The following KIZ variants were observed in gnomAD, a reference collection of about 807,000 sequenced individuals.
The protein encoded by KIZ is centrosomal protein kizuna.
Under a neutral mutation model 79.6 loss-of-function variants are expected in KIZ, and 68 were observed. The ratio of observed to expected loss-of-function variants is 0.85; its 90% CI spans 0.70 to 1.05. The LOEUF (loss-of-function observed/expected upper bound fraction) is 1.05, where lower values mean the gene tolerates loss of function less well. Among genes scored for constraint, KIZ ranks in the 50% least tolerant of loss-of-function variants. The pLI is 0.00. For missense variants in KIZ, 797 were observed against 800.4 expected, an observed-to-expected ratio of 1.00 and a Z score of 0.05; for synonymous variants, 280 against 281.8, an observed-to-expected ratio of 0.99 and a Z score of 0.06.
At chr20:21,237,005 A>G (rs2037032867) in intron 11 of KIZ, among the ~76,000 whole-genome samples, 2 of 151,738 alleles carry the variant, frequency 1.3e-5, no homozygotes, top group Admixed American at 1.3e-4. Flanking sequence ...TTAAAAAAAA[A>G]AAAAAAAAAA....
chr20:21,154,676 T>A (rs2033287642), intron 4 of KIZ, among the ~76,000 whole-genome samples: 1 of 152,240 alleles, frequency 6.6e-6, no homozygotes, highest in Non-Finnish European at 1.5e-5. Context: ...CATCTGTCTC[T>A]CAAAAACTTT....
chr20:21,131,844 G>T, intron 1 of KIZ: 3 of 324,992 alleles, frequency 9.2e-6, no homozygotes, highest in South Asian at 4.5e-5. Flanking sequence ...TCTCCTATTG[G>T]TGTTCGTTTT....
Position 21,155,506 on chromosome 20 carries a change from C to T in KIZ, c.406-6365C>T, listed in dbSNP as rs148446660. On this transcript the variant is annotated intron_variant, in intron 4 of 12. Coordinates refer to ENST00000619189, the MANE Select transcript of KIZ (RefSeq NM_018474.6). The stretch of plus-strand genomic sequence containing the variant: ...TTACAAACAGAAAGTAGATTAATGG[C>T]TGCCTAGGGCTGGGGACTGACTGGG... 1.1e-3 allele frequency among the ~76,000 whole-genome samples: 173 copies of T among 152,250 alleles called. 2 individuals carry two copies. Among genetic ancestry groups the T allele is most frequent in the African/African-American group, 4.1e-3 (169 of 41,534 alleles).
At chr20:21,186,758 G>A (rs1192281919) in intron 6 of KIZ, among the ~76,000 whole-genome samples, 3 of 151,962 alleles carry the variant, frequency 2.0e-5, no homozygotes, top group African/African-American at 7.3e-5. Context: ...CTAACAGGCT[G>A]TCCTAGGAGA....
At position 21,237,591 on chromosome 20, in the gene KIZ, G is replaced by A. The variant is rs138251194; in HGVS notation, c.1880+4761G>A. Among the ~76,000 whole-genome samples, 5 of 152,214 alleles carry A rather than the reference G, an allele frequency of 3.3e-5. 1 individual carries two copies. The highest frequency in any genetic ancestry group is 7.2e-5 in the African/African-American group (3 of 41,536). On this transcript the variant is annotated intron_variant, in intron 11 of 12. Coordinates refer to ENST00000619189, the MANE Select transcript of KIZ (RefSeq NM_018474.6). Reference sequence around the variant, plus strand: ...CAACCAGACCGCATGTCATGCCCGCGTATGACCCACTATTTCATGTCCCTG... The same window carrying A: ...CAACCAGACCGCATGTCATGCCCGCATATGACCCACTATTTCATGTCCCTG...
chr20:21,200,851 G>A (rs903858213), intron 6 of KIZ, among the ~76,000 whole-genome samples: 3 of 152,072 alleles, frequency 2.0e-5, no homozygotes, highest in East Asian at 3.8e-4. Context: ...AACAAACCAC[G>A]CTTGTCATCA....
intron 6 of KIZ, among the ~76,000 whole-genome samples, chr20:21,200,463 A>T (rs558372056): frequency 4.6e-5 from 7 of 151,742 alleles, no homozygotes; most frequent in Admixed American, 2.6e-4. Context: ...ACCATAATGG[A>T]AAATTAGTGG....
At chr20:21,204,434 A>T (rs1184173860) in intron 6 of KIZ, among the ~76,000 whole-genome samples, 2 of 152,034 alleles carry the variant, frequency 1.3e-5, no homozygotes, top group Admixed American at 1.3e-4. Flanking sequence ...TTTAAGGCTG[A>T]ATCCAAAGGT....
At chr20:21,205,786 C>T (rs1367837546) in intron 7 of KIZ, among the ~76,000 whole-genome samples, 2 of 151,684 alleles carry the variant, frequency 1.3e-5, no homozygotes, top group Admixed American at 6.6e-5. Flanking sequence ...CATGATGAAA[C>T]CCCGTCTCTA....
chr20:21,210,562 G>A (rs1296357265), intron 7 of KIZ, among the ~76,000 whole-genome samples: 2 of 152,006 alleles, frequency 1.3e-5, no homozygotes, highest in East Asian at 1.9e-4. Context: ...GAATATCTGT[G>A]CAATTCAGAT....
intron 3 of KIZ, among the ~76,000 whole-genome samples, chr20:21,145,034 A>G (rs1001809802): frequency 8.5e-5 from 13 of 152,148 alleles, no homozygotes; most frequent in South Asian, 2.1e-4. Flanking sequence ...TGATGTCTGC[A>G]GTATATTTTT....
chr20:21,223,638 C>A (rs973220852), intron 9 of KIZ, among the ~76,000 whole-genome samples: 1 of 151,018 alleles, frequency 6.6e-6, no homozygotes, highest in Non-Finnish European at 1.5e-5. Context: ...ATTGCAAAAG[C>A]AGCCATATCC....
intron 6 of KIZ, among the ~76,000 whole-genome samples, chr20:21,199,122 ACT>A (rs1468682482): frequency 6.6e-6 from 1 of 151,764 alleles, no homozygotes; most frequent in Non-Finnish European, 1.5e-5. Context: ...TCATTTTGTG[ACT>A]CTCTTAATCT....
intron 4 of KIZ, among the ~76,000 whole-genome samples, chr20:21,159,259 T>A (rs1296774166): frequency 1.3e-5 from 2 of 152,104 alleles, no homozygotes; most frequent in African/African-American, 4.8e-5. Context: ...GCTCAAGCAA[T>A]CCTCCCATCT....
At chr20:21,156,636 G>A (rs2033395103) in intron 4 of KIZ, among the ~76,000 whole-genome samples, 2 of 152,274 alleles carry the variant, frequency 1.3e-5, no homozygotes, top group South Asian at 2.1e-4. Flanking sequence ...ATTATGGGTT[G>A]TGGAATAGAA....
At chr20:21,200,843 C>G (rs571064229) in intron 6 of KIZ, among the ~76,000 whole-genome samples, 2 of 152,256 alleles carry the variant, frequency 1.3e-5, no homozygotes, top group East Asian at 1.9e-4. Context: ...AAAAAAAGAA[C>G]AAACCACGCT....
At chr20:21,179,707 A>C (rs1045867409) in intron 6 of KIZ, among the ~76,000 whole-genome samples, 5 of 152,120 alleles carry the variant, frequency 3.3e-5, no homozygotes, top group Non-Finnish European at 7.4e-5. Flanking sequence ...TTTTACTGCT[A>C]TAAACTTCTC....
At chr20:21,196,447 T>C (rs2035348304) in intron 6 of KIZ, 2 of 152,302 alleles carry the variant, frequency 1.3e-5, no homozygotes, top group African/African-American at 4.8e-5. Flanking sequence ...CCTCTCACCG[T>C]TGATTACAGG....
chr20:21,233,490 A>C (rs891752194), intron 11 of KIZ, among the ~76,000 whole-genome samples: 2 of 152,256 alleles, frequency 1.3e-5, no homozygotes, highest in East Asian at 3.8e-4. Flanking sequence ...AATATAAGCC[A>C]TCACCTGATG....
Sources: allele counts gnomAD v4.1 joint callset (sites outside exome capture counted in the v4.1 genomes callset), GRCh38; gene constraint gnomAD v4.1.1; transcripts MANE v1.5; gene names NCBI Gene and HGNC (gene_info 2026-07-23, HGNC 2026-07-21).